Variants in ELP2 observed in about 807,000 individuals in gnomAD.
The protein encoded by ELP2 is elongator complex protein 2.
ELP2 carries 90 observed loss-of-function variants against 119.2 expected under a neutral mutation model. The observed-to-expected ratio is 0.75, with a 90% CI of 0.64 to 0.90. The LOEUF is 0.90. Among genes scored for constraint, ELP2 ranks in the 40% least tolerant of loss-of-function variants. The pLI, the probability that ELP2 is intolerant of heterozygous loss-of-function variation, is 0.00. For synonymous variants in ELP2, 339 were observed against 331.0 expected (o/e 1.02, Z -0.26); for missense variants, 921 against 967.8 (o/e 0.95, Z 0.64).
chr18:36,131,792 G>A (rs1312200260), intron 1 of ELP2, among the ~76,000 whole-genome samples: 1 of 152,194 alleles, frequency 6.6e-6, no homozygotes, highest in Non-Finnish European at 1.5e-5. Context: ...TTTTGCAGCA[G>A]TTGAATGGAT....
At chr18:36,170,311 CTTT>C (rs373174527) in intron 20 of ELP2, 115 bp downstream of exon 20, 156 of 1,052,748 alleles carry the variant, frequency 1.5e-4, no homozygotes, top group Non-Finnish European at 1.7e-4. Context: ...TCTTTTTTTT[CTTT>C]TTTTTTTTTT....
intron 8 of ELP2, among the ~76,000 whole-genome samples, chr18:36,144,006 T>C (rs1487517768): frequency 2.0e-5 from 3 of 152,218 alleles, no homozygotes; most frequent in Non-Finnish European, 4.4e-5. Context: ...CCCTGGATGG[T>C]AGATCCTGTT....
chr18:36,141,095 G>T, intron 5 of ELP2, 42 bp from the exon 6 acceptor site: 1 of 1,502,216 alleles, frequency 6.7e-7, no homozygotes, highest in South Asian at 1.1e-5. Context: ...TAACGTGGTG[G>T]AATAGAGAAC....
intron 11 of ELP2, among the ~76,000 whole-genome samples, chr18:36,147,244 C>A (rs1466214615): frequency 6.6e-6 from 1 of 151,822 alleles, no homozygotes; most frequent in Non-Finnish European, 1.5e-5. Flanking sequence ...CAGCTAATAT[C>A]TAAAATTTTT....
intron 11 of ELP2, among the ~76,000 whole-genome samples, chr18:36,152,305 C>G (rs2090430385): frequency 6.6e-6 from 1 of 152,082 alleles, no homozygotes; most frequent in African/African-American, 2.4e-5. Flanking sequence ...TGAATCTCTC[C>G]CTTTTACCTT....
At chr18:36,142,497 C>T (rs1363572040) in intron 7 of ELP2, 150 bp downstream of exon 7, 34 of 708,242 alleles carry the variant, frequency 4.8e-5, no homozygotes, top group Non-Finnish European at 3.5e-5. Flanking sequence ...CTTATCTCTT[C>T]TGTTGTTAGT....
chr18:36,149,163 G>A (rs1382428624), intron 11 of ELP2, among the ~76,000 whole-genome samples: 4 of 152,142 alleles, frequency 2.6e-5, no homozygotes, highest in Admixed American at 6.5e-5. Context: ...ACTCTCAGCT[G>A]CTATTTCTCC....
Position 36,159,767 on chromosome 18 carries a change from G to T in ELP2, c.1567G>T (p.Glu523Ter). 1 of 1,613,952 alleles carries T rather than the reference G, an allele frequency of 6.2e-7. No individual in the cohort carries two copies. Among genetic ancestry groups the T allele is most frequent in the Non-Finnish European group, 8.5e-7 (1 of 1,179,908 alleles). ...DIASQPSDEE[E>*]LLTSTGFEYQ... ...AGCTTCTCAGCCTTCTGATGAAGAG[G>T]AGCTGTTAACTAGTACTGGTTTTGA... The change falls in exon 15 of 22, where the codon GAG becomes TAG. Residue 523 changes from glutamate (E) to a stop codon, truncating the protein, a stop_gained. Transcript: ENST00000358232. LOFTEE classifies it high-confidence loss of function.
chr18:36,158,828 A>G lies in ELP2; in HGVS notation c.1465-7A>G, dbSNP rs201718881. On this transcript the variant is annotated splice_region_variant and splice_polypyrimidine_tract_variant and intron_variant, in intron 13 of 21. Coordinates refer to ENST00000358232, the MANE Select transcript of ELP2 (RefSeq NM_018255.4). ...TTATAACTTAGATATTATATTTTCT[A>G]TTCTAGCAAGATAGTGATCTTCCAG... is the stretch of plus-strand genomic sequence containing the variant. The G allele has an allele frequency of 1.3e-4, 203 of 1,571,172 alleles. No homozygotes were observed. The Middle Eastern group carries it at 1.7e-3, about 13-fold the overall frequency.
intron 4 of ELP2, 116 bp downstream of exon 4, chr18:36,138,542 T>C (rs2089913307): frequency 1.7e-6 from 2 of 1,191,622 alleles, no homozygotes; most frequent in African/African-American, 3.1e-5. Flanking sequence ...AAAAATACTA[T>C]AATTCTAATC....
intron 1 of ELP2, among the ~76,000 whole-genome samples, chr18:36,131,078 G>C (rs1440035512): frequency 6.6e-6 from 1 of 152,174 alleles, no homozygotes; most frequent in Admixed American, 6.5e-5. Flanking sequence ...GGAGGTAGAG[G>C]TGGGAGGATC....
At position 36,170,048 on chromosome 18, in the gene ELP2, ATCTG is replaced by A; in HGVS notation, c.2077-9_2077-6del. ...CAAAGAGAAGGCTTTACAGTGTGTG[ATCTG>A]TCTGTATTAGGTGGTTGTCTGGGGT... is the stretch of plus-strand genomic sequence containing the variant. On this transcript the variant is annotated splice_polypyrimidine_tract_variant and intron_variant, in intron 19 of 21. Coordinates refer to ENST00000358232, the MANE Select transcript of ELP2 (RefSeq NM_018255.4). 2 of 1,614,136 alleles carry A rather than the reference ATCTG, an allele frequency of 1.2e-6. No individual in the cohort carries two copies. Among genetic ancestry groups the A allele is most frequent in the Non-Finnish European group, 1.7e-6 (2 of 1,180,014 alleles).
chr18:36,151,080 T>C (rs2090382913), intron 11 of ELP2, among the ~76,000 whole-genome samples: 1 of 22,654 alleles, frequency 4.4e-5, no homozygotes, highest in Non-Finnish European at 1.9e-4. Context: ...CCTTCCAGCT[T>C]TTTTTTTTTT....
In ELP2 at chr18:36,174,625, A is replaced by G. The variant is rs756273055; in HGVS notation, c.2465A>G (p.Asn822Ser). ...CACACTGTGAAGATACACAGAGTCAATAAATGTGCACTGTAATGGACTTAA... is the reference window on the plus strand; with the variant it reads ...CACACTGTGAAGATACACAGAGTCAGTAAATGTGCACTGTAATGGACTTAA... ...EDHTVKIHRV[N>S]KCAL The change falls in exon 22 of 22, where the codon AAT becomes AGT. Residue 822 changes from asparagine (N) to serine (S), a missense_variant. Transcript: ENST00000358232. The G allele has an allele frequency of 1.2e-6, 2 of 1,614,068 alleles. No individual in the cohort carries two copies. The highest frequency in any genetic ancestry group is 2.2e-5 in the South Asian group (2 of 91,094).
chr18:36,152,076 T>C (rs1164359292), intron 11 of ELP2, among the ~76,000 whole-genome samples: 1 of 151,804 alleles, frequency 6.6e-6, no homozygotes, highest in Non-Finnish European at 1.5e-5. Context: ...ATGGTTTTTT[T>C]CCAGCTACTC....
chr18:36,145,948 A>T lies in ELP2; in HGVS notation c.893A>T (p.Asp298Val). 1.2e-6 allele frequency: 2 copies of T among 1,611,632 alleles called. No homozygotes were observed. Among genetic ancestry groups the T allele is most frequent in the South Asian group, 2.2e-5 (2 of 91,048 alleles). ...AVHWQPVFYK[D>V]GVLQQPVRLL... ...AAAGGGATTAGGTTTTATTTTTTAG[A>T]TGGTGTCCTACAGCAGCCAGTGAGA... The change falls in exon 10 of 22, where the codon GAT (aspartate) becomes GTT (valine). Residue 298 changes from aspartate (D) to valine (V), a missense_variant and splice_region_variant. Transcript: ENST00000358232.
intron 20 of ELP2, chr18:36,170,770 A>G (rs17563728): frequency 0.01 from 5,108 of 500,440 alleles, 42 homozygotes; most frequent in Middle Eastern, 0.015. Context: ...TGTAACAAGC[A>G]TCTTCAGTGG....
intron 11 of ELP2, among the ~76,000 whole-genome samples, chr18:36,151,283 A>G (rs561169072): frequency 2.0e-5 from 3 of 151,612 alleles, no homozygotes; most frequent in East Asian, 2.0e-4. Context: ...GGGTTTCACC[A>G]TGTTGCCCAG....
intron 18 of ELP2, 135 bp downstream of exon 18, chr18:36,164,802 C>T (rs911449431): frequency 4.7e-6 from 4 of 843,610 alleles, no homozygotes; most frequent in Non-Finnish European, 7.6e-6. Context: ...TTTCAAAGTT[C>T]TTGGATAACT....
Sources: gnomAD v4.1 joint callset for allele counts (sites outside exome capture counted in the v4.1 genomes callset) on GRCh38, gnomAD v4.1.1 for gene constraint, MANE v1.5 for transcripts, NCBI Gene and HGNC (gene_info 2026-07-23, HGNC 2026-07-21) for gene names.